Variants in ATAD2 observed in about 807,000 individuals in gnomAD.
ATAD2 encodes the protein ATPase family AAA domain-containing protein 2.
In ATAD2, 62 loss-of-function variants were observed where a neutral mutation model predicts 168.9. The observed-to-expected ratio is 0.37, with a 90% CI of 0.30 to 0.45. The LOEUF is 0.45. ATAD2 is among the 20% of genes least tolerant of loss of function. The pLI is 1.00. For synonymous variants in ATAD2, 613 were observed against 571.6 expected (o/e 1.07, Z -1.03); for missense variants, 1,419 against 1,667.8 (o/e 0.85, Z 2.60).
chr8:123,373,191 C>T (rs957366792), intron 2 of ATAD2, among the ~76,000 whole-genome samples: 7 of 151,526 alleles, frequency 4.6e-5, no homozygotes, highest in Non-Finnish European at 7.4e-5. Flanking sequence ...CACGCCTGGC[C>T]GCTAACTTTT....
intron 1 of ATAD2, among the ~76,000 whole-genome samples, chr8:123,406,906 T>G (rs1813075722): frequency 6.6e-6 from 1 of 151,844 alleles, no homozygotes; most frequent in Non-Finnish European, 1.5e-5. Flanking sequence ...GATATAAACC[T>G]CCCCTTGTGA....
At chr8:123,340,750 T>C (rs114753985) in intron 19 of ATAD2, among the ~76,000 whole-genome samples, 2,412 of 152,190 alleles carry the variant, frequency 0.016, 78 homozygotes, top group African/African-American at 0.055. Flanking sequence ...GAATAAATAA[T>C]TCAGAGCCAA....
At chr8:123,391,313 A>C (rs921012058) in intron 1 of ATAD2, among the ~76,000 whole-genome samples, 1 of 152,054 alleles carries the variant, frequency 6.6e-6, no homozygotes, top group African/African-American at 2.4e-5. Context: ...CCACCACAAT[A>C]TTCAGGGAAC....
chr8:123,404,671 AT>A (rs1392570726), intron 1 of ATAD2, among the ~76,000 whole-genome samples: 2 of 149,946 alleles, frequency 1.3e-5, no homozygotes, highest in Non-Finnish European at 3.0e-5. Context: ...GGTTCAAGTG[AT>A]TCTCCTGCCT....
At chr8:123,401,158 A>G, upstream of ATAD2, 1 of 1,057,948 alleles carries the variant, frequency 9.5e-7, no homozygotes, top group Non-Finnish European at 1.5e-6. Flanking sequence ...AGTGATGTTG[A>G]AAGAGGCAAA....
upstream of ATAD2, chr8:123,401,323 G>A (rs1312579488): frequency 7.3e-7 from 1 of 1,364,334 alleles, no homozygotes; most frequent in Non-Finnish European, 1.0e-6. Flanking sequence ...GGCAGCTGTG[G>A]GCACCTGTGA....
At chr8:123,373,226 G>A (rs955507556) in intron 2 of ATAD2, among the ~76,000 whole-genome samples, 1 of 141,618 alleles carries the variant, frequency 7.1e-6, no homozygotes, top group East Asian at 2.0e-4. Context: ...GAGATGGGGC[G>A]GGGGGGGTCT....
At chr8:123,396,102 C>G in intron 1 of ATAD2, 85 bp downstream of exon 1, 1 of 1,401,060 alleles carries the variant, frequency 7.1e-7, no homozygotes, top group Admixed American at 2.9e-5. Context: ...ACCGGCGCCG[C>G]CCACCCCCAG....
intron 27 of ATAD2, 114 bp downstream of exon 27, chr8:123,322,824 G>T: frequency 9.0e-7 from 1 of 1,105,090 alleles, no homozygotes; most frequent in Non-Finnish European, 1.2e-6. Context: ...TGGTCTTTAA[G>T]TTCCTACAAT....
At chr8:123,406,153 G>T (rs1172010563) in intron 1 of ATAD2, among the ~76,000 whole-genome samples, 1 of 152,108 alleles carries the variant, frequency 6.6e-6, no homozygotes, top group Non-Finnish European at 1.5e-5. Flanking sequence ...GAGGCAGGCG[G>T]ATCACTTGAC....
At chr8:123,347,511 C>T (rs1421982076) in intron 15 of ATAD2, 105 bp from the exon 16 acceptor site, 23 of 1,103,728 alleles carry the variant, frequency 2.1e-5, no homozygotes, top group Admixed American at 8.4e-5. Flanking sequence ...AAATCAGCCT[C>T]GGAATATAGT....
chr8:123,387,970 A>G (rs1340212662), intron 1 of ATAD2, among the ~76,000 whole-genome samples: 1 of 152,198 alleles, frequency 6.6e-6, no homozygotes, highest in Non-Finnish European at 1.5e-5. Flanking sequence ...AACTTAAACA[A>G]CAGTATATTC....
At chr8:123,399,371 G>A (rs1173568870), upstream of ATAD2, among the ~76,000 whole-genome samples, 1 of 152,186 alleles carries the variant, frequency 6.6e-6, no homozygotes, top group African/African-American at 2.4e-5. Flanking sequence ...AGTTAGAGGT[G>A]CAGGGAGTAA....
chr8:123,379,378 TGAAG>T (rs1405696558), intron 2 of ATAD2, among the ~76,000 whole-genome samples: 1 of 152,128 alleles, frequency 6.6e-6, no homozygotes, highest in African/African-American at 2.4e-5. Flanking sequence ...CGATTATGAA[TGAAG>T]GCTTTGTATA....
chr8:123,409,800 G>A (rs879288102), intron 1 of ATAD2, among the ~76,000 whole-genome samples: 10 of 151,838 alleles, frequency 6.6e-5, no homozygotes, highest in South Asian at 2.1e-4. Flanking sequence ...GCCGGGTGTC[G>A]TGGCACACAT....
At chr8:123,389,991 T>A (rs1166279490) in intron 1 of ATAD2, among the ~76,000 whole-genome samples, 10 of 139,884 alleles carry the variant, frequency 7.1e-5, no homozygotes, top group African/African-American at 2.5e-4. Context: ...TATATTTTTT[T>A]TTTTTTAGAC....
At chr8:123,376,114 A>C (rs1226099591) in intron 2 of ATAD2, among the ~76,000 whole-genome samples, 1 of 151,200 alleles carries the variant, frequency 6.6e-6, no homozygotes. Context: ...CAAAATAAAA[A>C]AAAAAATTAG....
intron 19 of ATAD2, 43 bp downstream of exon 19, chr8:123,344,841 A>T: frequency 6.3e-7 from 1 of 1,582,470 alleles, no homozygotes; most frequent in Non-Finnish European, 8.7e-7. Context: ...TGGTAGAAAC[A>T]ACTCTTTTTG....
At chr8:123,383,695 C>A (rs529426430) in intron 1 of ATAD2, among the ~76,000 whole-genome samples, 88 of 152,094 alleles carry the variant, frequency 5.8e-4, no homozygotes, top group African/African-American at 2.1e-3. Flanking sequence ...ATCACTAGAA[C>A]CCAGGAGGCG....
Sources: allele counts gnomAD v4.1 joint callset (sites outside exome capture counted in the v4.1 genomes callset), GRCh38; gene constraint gnomAD v4.1.1; transcripts MANE v1.5; gene names NCBI Gene and HGNC (gene_info 2026-07-23, HGNC 2026-07-21).